The following DMD variants were observed in gnomAD, a reference collection of about 807,000 sequenced individuals.
DMD encodes the protein mutant dystrophin.
Under a neutral mutation model 330.1 loss-of-function variants are expected in DMD, and 63 were observed. The ratio of observed to expected loss-of-function variants is 0.19; its 90% CI spans 0.16 to 0.24. The LOEUF (loss-of-function observed/expected upper bound fraction) is 0.24. Among genes scored for constraint, DMD ranks in the 10% least tolerant of loss-of-function variants. The pLI is 1.00. For missense variants in DMD, 3,344 were observed against 2,684.1 expected, an observed-to-expected ratio of 1.25 and a Z score of -5.43; for synonymous variants, 1,223 against 959.8, an observed-to-expected ratio of 1.27 and a Z score of -5.07.
At chrX:31,190,647 A>G (rs1306424971) in intron 67 of DMD, among the ~76,000 whole-genome samples, 1 of 84,160 alleles carries the variant, frequency 1.2e-5, no homozygotes, top group Non-Finnish European at 2.2e-5. Flanking sequence ...ACTAGCATTT[A>G]GTAGATAGAG....
intron 59 of DMD, among the ~76,000 whole-genome samples, chrX:31,477,565 T>G (rs1238480296): frequency 2.7e-5 from 3 of 111,247 alleles, no homozygotes; most frequent in Non-Finnish European, 1.9e-5. Context: ...CTTCCAAATA[T>G]ATAATGATTT....
At chrX:31,169,353 A>G (rs1602336152) in intron 74 of DMD, 90 bp downstream of exon 74, 2 of 658,278 alleles carry the variant, frequency 3.0e-6, no homozygotes, top group South Asian at 4.8e-5. Context: ...TAGACATAAA[A>G]TGACTCTAAG....
intron 7 of DMD, among the ~76,000 whole-genome samples, chrX:32,729,420 A>G (rs960348372): frequency 8.9e-6 from 1 of 111,772 alleles, no homozygotes; most frequent in Non-Finnish European, 1.9e-5. Flanking sequence ...CTTTGGAAAC[A>G]TTTCATGTTA....
intron 2 of DMD, among the ~76,000 whole-genome samples, chrX:32,868,875 C>T (rs976841530): frequency 1.8e-5 from 2 of 112,298 alleles, no homozygotes; most frequent in Non-Finnish European, 3.8e-5. Context: ...CCCAGGACAG[C>T]AAACCCCCTC....
At chrX:32,069,243 G>T (rs1178471707) in intron 44 of DMD, among the ~76,000 whole-genome samples, 1 of 111,370 alleles carries the variant, frequency 9.0e-6, no homozygotes, top group East Asian at 2.8e-4. Flanking sequence ...TTATACGCTT[G>T]TATCAAAATA....
intron 63 of DMD, among the ~76,000 whole-genome samples, chrX:31,224,504 T>C (rs2046390459): frequency 8.9e-6 from 1 of 112,229 alleles, no homozygotes; most frequent in African/African-American, 3.2e-5. Context: ...TACCAAATGT[T>C]GGTGAGGATA....
chrX:32,948,600 C>T (rs1373136110), intron 2 of DMD, among the ~76,000 whole-genome samples: 1 of 111,931 alleles, frequency 8.9e-6, no homozygotes, highest in Admixed American at 9.5e-5. Flanking sequence ...CTGTTAAATG[C>T]ATCTGCGGTG....
At chrX:32,428,533 T>TTTC in intron 29 of DMD, among the ~76,000 whole-genome samples, 1 of 112,173 alleles carries the variant, frequency 8.9e-6, no homozygotes, top group Non-Finnish European at 1.9e-5. Flanking sequence ...CCCACCATGC[T>TTTC]GATATAGTTG....
At chrX:32,676,749 C>CA (rs1167208660) in intron 9 of DMD, among the ~76,000 whole-genome samples, 1 of 111,492 alleles carries the variant, frequency 9.0e-6, no homozygotes, top group Non-Finnish European at 1.9e-5. Flanking sequence ...CTTTAAAAAA[C>CA]AAAACAAACA....
intron 44 of DMD, among the ~76,000 whole-genome samples, chrX:32,055,532 C>A (rs1458116605): frequency 9.0e-6 from 1 of 111,311 alleles, no homozygotes; most frequent in African/African-American, 3.3e-5. Flanking sequence ...ATGTTCCCAA[C>A]ACAAATAAAT....
chrX:31,282,367 T>A (rs776104306), intron 62 of DMD, among the ~76,000 whole-genome samples: 129 of 111,396 alleles, frequency 1.2e-3, no homozygotes, highest in African/African-American at 4.0e-3. Context: ...GAAAAGTGAT[T>A]AATCACTTCT....
chrX:31,730,200 T>C (rs1418926316), intron 51 of DMD, among the ~76,000 whole-genome samples: 3 of 111,899 alleles, frequency 2.7e-5, no homozygotes, highest in Non-Finnish European at 5.6e-5. Context: ...TTAACTTCAT[T>C]GTACCCCTGA....
intron 58 of DMD, 27 bp downstream of exon 58, chrX:31,478,956 T>C (rs1474503309): frequency 3.3e-6 from 4 of 1,205,146 alleles, no homozygotes; most frequent in Non-Finnish European, 4.5e-6. Context: ...TCTATCAATA[T>C]GTTATTATAG....
chrX:31,785,491 C>T (rs1408046271), intron 50 of DMD, among the ~76,000 whole-genome samples: 2 of 111,902 alleles, frequency 1.8e-5, no homozygotes, highest in East Asian at 5.6e-4. Context: ...TTCTGGGATA[C>T]ATGTGCAGAA....
intron 1 of DMD, among the ~76,000 whole-genome samples, chrX:33,209,141 A>C (rs757245147): frequency 9.0e-6 from 1 of 111,322 alleles, no homozygotes; most frequent in Non-Finnish European, 1.9e-5. Context: ...CCCTTAAATA[A>C]TGTAATTATG....
In DMD at chrX:33,041,400, C is replaced by T. The variant is rs2094298709; in HGVS notation, c.32-21200G>A. On this transcript the variant is annotated intron_variant, in intron 1 of 78. Transcript: ENST00000357033. ...CTCGCGGGGCTCGAGGGACCATGGC[C>T]GATCCTCGCGTGAGACAGATCAAGA... 1.2e-5 allele frequency: 14 copies of T among 1,191,376 alleles called. No individual in the cohort carries two copies. The South Asian group carries it at 2.4e-4, about 20-fold the overall frequency.
chrX:32,815,943 C>T (rs1207858300), intron 6 of DMD, among the ~76,000 whole-genome samples: 1 of 111,206 alleles, frequency 9.0e-6, no homozygotes, highest in East Asian at 2.8e-4. Flanking sequence ...CATCTTATGA[C>T]CCTGAACTAG....
intron 27 of DMD, 111 bp downstream of exon 27, chrX:32,448,345 G>C (rs1439696484): frequency 2.3e-6 from 2 of 860,916 alleles, no homozygotes; most frequent in Non-Finnish European, 3.4e-6. Flanking sequence ...GCCTGAATGA[G>C]GAATTCAAGC....
chrX:32,063,890 T>C (rs995178984), intron 44 of DMD, among the ~76,000 whole-genome samples: 13 of 111,437 alleles, frequency 1.2e-4, no homozygotes, highest in Admixed American at 9.5e-5. Context: ...TCTGATATGA[T>C]GGATGCTTCC....
Sources: allele counts gnomAD v4.1 joint callset (sites outside exome capture counted in the v4.1 genomes callset), GRCh38; gene constraint gnomAD v4.1.1; transcripts MANE v1.5; gene names NCBI Gene and HGNC (gene_info 2026-07-23, HGNC 2026-07-21).